LIMCH1: variants seen among roughly 807,000 people sequenced by gnomAD.
The protein encoded by LIMCH1 is LIM and calponin homology domains-containing protein 1.
In LIMCH1, 113 loss-of-function variants were observed where a neutral mutation model predicts 176.5. The ratio of observed to expected loss-of-function variants is 0.64; its 90% CI spans 0.55 to 0.75. The LOEUF is 0.75. LIMCH1 is among the 30% of genes least tolerant of loss of function. LIMCH1 has a pLI of 0.00. For missense variants in LIMCH1, 1,674 were observed against 1,814.9 expected, an observed-to-expected ratio of 0.92 and a Z score of 1.41; for synonymous variants, 619 against 645.9, an observed-to-expected ratio of 0.96 and a Z score of 0.63.
chr4:41,637,738 T>G (rs1042855102), intron 13 of LIMCH1, among the ~76,000 whole-genome samples: 1 of 152,168 alleles, frequency 6.6e-6, no homozygotes, highest in Non-Finnish European at 1.5e-5. Context: ...TCATTATCAA[T>G]GAATGTAGAT....
intron 1 of LIMCH1, among the ~76,000 whole-genome samples, chr4:41,443,827 T>A (rs888799622): frequency 6.6e-6 from 1 of 152,220 alleles, no homozygotes; most frequent in African/African-American, 2.4e-5. Context: ...TGAGGGAGTT[T>A]GCCTTCCCTC....
chr4:41,610,970 T>C, intron 4 of LIMCH1, among the ~76,000 whole-genome samples: 1 of 152,226 alleles, frequency 6.6e-6, no homozygotes, highest in Non-Finnish European at 1.5e-5. Flanking sequence ...GACGTAACTC[T>C]GAAAGGAAGT....
At chr4:41,408,384 A>G (rs1034534520) in intron 1 of LIMCH1, among the ~76,000 whole-genome samples, 3 of 152,154 alleles carry the variant, frequency 2.0e-5, no homozygotes, top group Admixed American at 2.0e-4. Flanking sequence ...GACTTTATGC[A>G]AATATAACAT....
chr4:41,536,836 CAGAA>C (rs1475097998), upstream of LIMCH1, among the ~76,000 whole-genome samples: 2 of 152,074 alleles, frequency 1.3e-5, no homozygotes, highest in Non-Finnish European at 2.9e-5. Flanking sequence ...GATCTTAAAA[CAGAA>C]AGAGCATATT....
chr4:41,599,093 T>G lies in LIMCH1; in HGVS notation c.-134+67T>G, dbSNP rs1584684103. ...AGTTTGATTTGCAATTTTGTGATGA[T>G]GTTGTAAGTTCTAAGAGACAGAGAA... On this transcript the variant is annotated intron_variant, in intron 2 of 31. Transcript: ENST00000503057. The G allele has an allele frequency of 3.3e-6, 3 of 922,762 alleles. No individual in the cohort carries two copies. In the East Asian group the frequency reaches 7.3e-5, roughly 22 times the overall value. The allele number at this position is 922,762 out of a possible 1,614,324, so 57.2% of individuals were successfully genotyped here. A position where few individuals can be genotyped will look rare whatever the true frequency, so the allele number is the denominator to read the frequency against.
In LIMCH1 at chr4:41,699,474, G is replaced by C. The variant is rs573445163; in HGVS notation, c.*2289G>C. 1.3e-5 allele frequency: 2 copies of C among 151,966 alleles called. No homozygotes were observed. The highest frequency in any genetic ancestry group is 4.2e-4 in the South Asian group (2 of 4,818). The allele number at this position is 151,966 out of a possible 1,614,324, so 9.4% of individuals were successfully genotyped here. ...TTGATTTATATTTCATTTGGAGTCT[G>C]TTACATGGCAGCTTAGGCAGACTAG... On this transcript the variant is annotated 3_prime_UTR_variant, in exon 32 of 32. Coordinates refer to ENST00000503057, the MANE Select transcript of LIMCH1 (RefSeq NM_001330672.2).
intron 1 of LIMCH1, among the ~76,000 whole-genome samples, chr4:41,539,757 G>A (rs2078385300): frequency 6.6e-6 from 1 of 152,154 alleles, no homozygotes. Flanking sequence ...AAGTTTAAAG[G>A]ATAAAGATAT....
chr4:41,396,865 G>A (rs1010612601), intron 1 of LIMCH1, among the ~76,000 whole-genome samples: 3 of 151,686 alleles, frequency 2.0e-5, no homozygotes, highest in African/African-American at 7.3e-5. Context: ...GTGCCACTGC[G>A]CTTCAGCCTG....
chr4:41,549,572 A>C (rs1476172549), intron 1 of LIMCH1, among the ~76,000 whole-genome samples: 1 of 152,218 alleles, frequency 6.6e-6, no homozygotes, highest in Non-Finnish European at 1.5e-5. Flanking sequence ...AAAAATGAAG[A>C]AACCAAGTGC....
chr4:41,555,979 A>C (rs2081194208), intron 1 of LIMCH1, among the ~76,000 whole-genome samples: 1 of 152,032 alleles, frequency 6.6e-6, no homozygotes, highest in African/African-American at 2.4e-5. Flanking sequence ...TCCTGGGCTC[A>C]GGGGGTCTGC....
At chr4:41,442,212 A>C (rs560619292) in intron 1 of LIMCH1, among the ~76,000 whole-genome samples, 2 of 152,282 alleles carry the variant, frequency 1.3e-5, no homozygotes, top group Non-Finnish European at 1.5e-5. Context: ...ATGCGAGAGG[A>C]TCACTTGAGC....
intron 1 of LIMCH1, among the ~76,000 whole-genome samples, chr4:41,436,502 G>C (rs771936405): frequency 5.3e-5 from 8 of 152,192 alleles, no homozygotes; most frequent in Non-Finnish European, 1.2e-4. Flanking sequence ...TGCTGTGAGA[G>C]ATTTTTTCCT....
chr4:41,549,288 G>T (rs578235242), intron 1 of LIMCH1, among the ~76,000 whole-genome samples: 1 of 152,044 alleles, frequency 6.6e-6, no homozygotes, highest in Admixed American at 6.6e-5. Flanking sequence ...TGTGCTAAGC[G>T]CTTTATTTCT....
chr4:41,666,085 TG>T (rs1260211368), intron 20 of LIMCH1, among the ~76,000 whole-genome samples: 7 of 152,122 alleles, frequency 4.6e-5, no homozygotes, highest in Non-Finnish European at 1.0e-4. Flanking sequence ...CATAAATTTG[TG>T]GGGGGTTATG....
At chr4:41,583,037 A>G (rs2085800570) in intron 1 of LIMCH1, among the ~76,000 whole-genome samples, 1 of 152,234 alleles carries the variant, frequency 6.6e-6, no homozygotes, top group African/African-American at 2.4e-5. Context: ...AAGCATCACC[A>G]CCATCCTTCC....
At chr4:41,482,602 T>G (rs2068834853) in intron 1 of LIMCH1, among the ~76,000 whole-genome samples, 1 of 151,830 alleles carries the variant, frequency 6.6e-6, no homozygotes, top group Admixed American at 6.6e-5. Flanking sequence ...TATTAGAATA[T>G]AAGAGGAGAG....
intron 1 of LIMCH1, among the ~76,000 whole-genome samples, chr4:41,541,314 T>C (rs1281354682): frequency 6.7e-6 from 1 of 150,104 alleles, no homozygotes; most frequent in East Asian, 2.0e-4. Context: ...GAAGGCTGGA[T>C]TCCTTTGGCA....
chr4:41,629,833 G>T, intron 9 of LIMCH1, 99 bp downstream of exon 9: 7 of 1,338,512 alleles, frequency 5.2e-6, no homozygotes, highest in Non-Finnish European at 6.9e-6. Context: ...TTTTTGTCAG[G>T]GTCTTGCTCT....
chr4:41,529,052 T>TA (rs973412397), intron 3 of LIMCH1, among the ~76,000 whole-genome samples: 1 of 152,196 alleles, frequency 6.6e-6, no homozygotes, highest in Non-Finnish European at 1.5e-5. Flanking sequence ...GTGTTAGTGA[T>TA]ACTGTTTGCT....
Sources: allele counts gnomAD v4.1 joint callset (sites outside exome capture counted in the v4.1 genomes callset), GRCh38; gene constraint gnomAD v4.1.1; transcripts MANE v1.5; gene names NCBI Gene and HGNC (gene_info 2026-07-23, HGNC 2026-07-21).